Variants in EVA1C observed in about 807,000 individuals in gnomAD.
The protein encoded by EVA1C is protein eva-1 homolog C.
In EVA1C, 25 loss-of-function variants were observed where a neutral mutation model predicts 45.4. That is an observed-to-expected ratio of 0.55 (90% CI 0.40 to 0.77). EVA1C has a LOEUF of 0.77. EVA1C is among the 30% of genes least tolerant of loss of function. EVA1C has a pLI of 0.00. For missense variants in EVA1C, 479 were observed against 554.8 expected, an observed-to-expected ratio of 0.86 and a Z score of 1.37; for synonymous variants, 190 against 221.2, an observed-to-expected ratio of 0.86 and a Z score of 1.25.
intron 4 of EVA1C, among the ~76,000 whole-genome samples, chr21:32,485,612 T>A (rs1270160368): frequency 2.6e-5 from 4 of 152,204 alleles, no homozygotes; most frequent in African/African-American, 9.7e-5. Flanking sequence ...GATTCCTTAA[T>A]TTCTTGTTCA....
intron 2 of EVA1C, among the ~76,000 whole-genome samples, chr21:32,454,629 A>G (rs995111674): frequency 1.3e-4 from 19 of 151,792 alleles, no homozygotes; most frequent in Admixed American, 6.6e-5. Context: ...CCCAAGTTCC[A>G]TATGAATACA....
intron 1 of EVA1C, among the ~76,000 whole-genome samples, chr21:32,428,174 G>A (rs2034563807): frequency 6.6e-6 from 1 of 152,194 alleles, no homozygotes; most frequent in South Asian, 2.1e-4. Flanking sequence ...CAGCGTGGAG[G>A]CGACTTTCTG....
At position 32,412,921 on chromosome 21, in the gene EVA1C, G is replaced by T; in HGVS notation, c.68G>T (p.Arg23Leu). The T allele has an allele frequency of 6.6e-7, 1 of 1,525,870 alleles. No homozygotes were observed. The allele number at this position is 1,525,870 out of a possible 1,614,324, so 94.5% of individuals were successfully genotyped here. ...PQPVQHPGLR[R>L]QVEPPGQLLR... is the part of the protein sequence containing the mutation. The stretch of plus-strand genomic sequence containing the variant: ...CCCGTGCAGCATCCCGGCCTCCGCC[G>T]GCAGGTAGAGCCGCCGGGGCAGCTC... Residue 23 changes from arginine (R) to leucine (L), a missense_variant, in exon 1 of 8, where the codon CGG becomes CTG. By Grantham distance (102) the Arg-to-Leu change is moderately radical. Coordinates refer to ENST00000300255, the MANE Select transcript of EVA1C (RefSeq NM_058187.5).
chr21:32,413,466 A>C (rs1023120996), intron 1 of EVA1C, among the ~76,000 whole-genome samples: 1 of 152,190 alleles, frequency 6.6e-6, no homozygotes, highest in Non-Finnish European at 1.5e-5. Context: ...CCACATTGGC[A>C]GGTAGAAAGG....
chr21:32,443,696 C>A (rs566203085), intron 1 of EVA1C, among the ~76,000 whole-genome samples: 1 of 152,288 alleles, frequency 6.6e-6, no homozygotes, highest in African/African-American at 2.4e-5. Flanking sequence ...GTGGCTATCA[C>A]AGTCATACAC....
chr21:32,413,019 A>G lies in EVA1C; in HGVS notation c.160+6A>G, dbSNP rs1486395657. On this transcript the variant is annotated splice_donor_region_variant and intron_variant, in intron 1 of 7. Coordinates refer to ENST00000300255, the MANE Select transcript of EVA1C (RefSeq NM_058187.5). Reference sequence around the variant, plus strand: ...AGCGCTCACCGACTTCTCTGGTAAGAGCGCCCTCCCTGGCTGTGTGCCCCC... The same window carrying G: ...AGCGCTCACCGACTTCTCTGGTAAGGGCGCCCTCCCTGGCTGTGTGCCCCC... 5.0e-6 allele frequency: 7 copies of G among 1,404,858 alleles called. No individual in the cohort carries two copies. The highest frequency in any genetic ancestry group is 5.6e-6 in the Non-Finnish European group (6 of 1,069,564). 87.0% of individuals were successfully genotyped at this position (1,404,858 alleles called of 1,614,324 possible).
At chr21:32,444,080 A>AC (rs1394778166) in intron 1 of EVA1C, among the ~76,000 whole-genome samples, 4 of 121,254 alleles carry the variant, frequency 3.3e-5, no homozygotes, top group South Asian at 5.8e-4. Flanking sequence ...ACACACACAC[A>AC]CACACACACA....
intron 7 of EVA1C, among the ~76,000 whole-genome samples, chr21:32,507,802 CTG>C (rs200611281): frequency 0.01 from 1,494 of 147,090 alleles, 26 homozygotes; most frequent in African/African-American, 0.035. Context: ...ATGTGTATCT[CTG>C]TGTGCATGTA....
At chr21:32,514,312 A>G (rs536434779) in intron 7 of EVA1C, among the ~76,000 whole-genome samples, 2 of 152,358 alleles carry the variant, frequency 1.3e-5, no homozygotes, top group East Asian at 3.9e-4. Flanking sequence ...TACTTCGTAC[A>G]TAAGTTAATT....
rs1034765039 is a variant in EVA1C at position 32,453,522 on chromosome 21, T to C, written c.357+14T>C. 6.3e-7 allele frequency: 1 copy of C among 1,576,636 alleles called. No homozygotes were observed. Among genetic ancestry groups the C allele is most frequent in the Non-Finnish European group, 8.7e-7 (1 of 1,149,434 alleles). The stretch of plus-strand genomic sequence containing the variant: ...ACCACCTTCCAGGTATTGCCTTTTG[T>C]AGACATGTTAAGATGATACAGTTTC... On this transcript the variant is annotated intron_variant, in intron 2 of 7. Coordinates refer to ENST00000300255, the MANE Select transcript of EVA1C (RefSeq NM_058187.5).
rs535178018 is a variant in EVA1C, at chr21:32,417,161, T to A, written c.160+4148T>A. 1.8e-4 allele frequency among the ~76,000 whole-genome samples: 28 copies of A among 152,364 alleles called. No individual in the cohort carries two copies. In the South Asian group the frequency reaches 5.8e-3, roughly 32 times the overall value. On this transcript the variant is annotated intron_variant, in intron 1 of 7. Transcript: ENST00000300255. Reference sequence around the variant, plus strand: ...CCAGTGTTCCAGTCCCTGCCATTGGTAGCCCAAGTGAGCATTAAGTGGTAC... The same window carrying A: ...CCAGTGTTCCAGTCCCTGCCATTGGAAGCCCAAGTGAGCATTAAGTGGTAC...
intron 1 of EVA1C, among the ~76,000 whole-genome samples, chr21:32,413,341 G>T (rs1461300251): frequency 1.3e-5 from 2 of 152,234 alleles, no homozygotes; most frequent in African/African-American, 2.4e-5. Flanking sequence ...CCTGTGCCGC[G>T]CCCAGCGCTG....
At chr21:32,509,776 A>AG (rs1243814310) in intron 7 of EVA1C, among the ~76,000 whole-genome samples, 1 of 151,358 alleles carries the variant, frequency 6.6e-6, no homozygotes, top group Non-Finnish European at 1.5e-5. Flanking sequence ...AGGCTAAGGC[A>AG]GGGGGAGGTA....
intron 4 of EVA1C, among the ~76,000 whole-genome samples, chr21:32,468,347 G>A (rs2036253691): frequency 6.6e-6 from 1 of 151,548 alleles, no homozygotes; most frequent in African/African-American, 2.4e-5. Context: ...GCTCCAGCCT[G>A]GGTGACAAGA....
intron 5 of EVA1C, among the ~76,000 whole-genome samples, chr21:32,498,781 A>G (rs2037436471): frequency 6.6e-6 from 1 of 152,130 alleles, no homozygotes; most frequent in Non-Finnish European, 1.5e-5. Flanking sequence ...ACTGCTGAGA[A>G]CAGGGTCCTG....
chr21:32,449,561 GT>G (rs1301322875), intron 1 of EVA1C, among the ~76,000 whole-genome samples: 1 of 151,590 alleles, frequency 6.6e-6, no homozygotes. Flanking sequence ...TTTCATTTTA[GT>G]GCTAAATAAC....
chr21:32,459,856 A>AAG (rs1475202890), intron 3 of EVA1C, among the ~76,000 whole-genome samples: 1 of 151,872 alleles, frequency 6.6e-6, no homozygotes, highest in East Asian at 1.9e-4. Flanking sequence ...AAAAAAAAAA[A>AAG]AAAGCGGCCC....
intron 4 of EVA1C, among the ~76,000 whole-genome samples, chr21:32,477,917 C>T (rs1307443260): frequency 1.5e-5 from 1 of 68,710 alleles, no homozygotes; most frequent in African/African-American, 6.1e-5. Flanking sequence ...CTCCGCCATA[C>T]GCTCTCACCT....
chr21:32,498,365 T>G (rs1448432989), intron 5 of EVA1C, among the ~76,000 whole-genome samples: 1 of 151,254 alleles, frequency 6.6e-6, no homozygotes, highest in East Asian at 2.0e-4. Flanking sequence ...GAGAATCACT[T>G]GAACCTGGGA....
Sources: allele counts gnomAD v4.1 joint callset (sites outside exome capture counted in the v4.1 genomes callset), GRCh38; gene constraint gnomAD v4.1.1; transcripts MANE v1.5; gene names NCBI Gene and HGNC (gene_info 2026-07-23, HGNC 2026-07-21).